The following AGO2 variants were observed in gnomAD, a reference collection of about 807,000 sequenced individuals.
The protein encoded by AGO2 is argonaute RISC catalytic component 2.
A neutral mutation model predicts 102.3 loss-of-function variants in AGO2; 5 were observed. The ratio of observed to expected loss-of-function variants is 0.05; its 90% CI spans 0.03 to 0.10. The LOEUF is 0.10. Among genes scored for constraint, AGO2 ranks in the 10% least tolerant of loss-of-function variants. AGO2 has a pLI of 1.00. For missense variants in AGO2, 541 were observed against 1,183.7 expected (o/e 0.46, Z 7.97); for synonymous variants, 449 against 473.1 (o/e 0.95, Z 0.66).
chr8:140,556,949 C>CCCA, intron 8 of AGO2, 140 bp downstream of exon 8: 2 of 1,270,090 alleles, frequency 1.6e-6, no homozygotes, highest in Middle Eastern at 2.8e-4. Context: ...AGCCCATTAA[C>CCCA]CCACCCGCAT....
Position 140,549,244 on chromosome 8 carries a change from C to G in AGO2, c.1458G>C (p.Gln486His), listed in dbSNP as rs1303942163. Reference sequence around the variant, plus strand: ...CGTATTTGCAGAAGCACGGCTGGCCCTGGATGGGCATGCCGGCGTCTCTCG... The same window carrying G: ...CGTATTTGCAGAAGCACGGCTGGCCGTGGATGGGCATGCCGGCGTCTCTCG... ...KISRDAGMPIQGQPCFCKYAQ... is the reference protein window; with the variant it reads ...KISRDAGMPIHGQPCFCKYAQ... The change falls in exon 12 of 19, where the codon CAG becomes CAC. Residue 486 changes from glutamine (Q) to histidine (H), a missense_variant. By Grantham distance (24) the Gln-to-His change is conservative (BLOSUM62 0). Transcript: ENST00000220592. The G allele has an allele frequency of 6.2e-7, 1 of 1,613,382 alleles. No homozygotes were observed. The highest frequency in any genetic ancestry group is 8.5e-7 in the Non-Finnish European group (1 of 1,179,660).
chr8:140,543,749 A>C (rs2072842985), intron 14 of AGO2, among the ~76,000 whole-genome samples: 2 of 152,276 alleles, frequency 1.3e-5, no homozygotes, highest in Non-Finnish European at 2.9e-5. Context: ...CCATGAGGTC[A>C]ACATTTGTTT....
upstream of AGO2, among the ~76,000 whole-genome samples, chr8:140,639,151 A>C (rs1363995172): frequency 1.3e-5 from 2 of 152,230 alleles, no homozygotes; most frequent in African/African-American, 4.8e-5. Flanking sequence ...TACAAGTGTG[A>C]GACACTATGC....
chr8:140,587,419 G>A (rs532601078), intron 1 of AGO2, among the ~76,000 whole-genome samples: 3 of 152,214 alleles, frequency 2.0e-5, no homozygotes, highest in Non-Finnish European at 4.4e-5. Flanking sequence ...CCACCTTCCC[G>A]TACCTTCAGG....
At chr8:140,627,682 C>A (rs1366499721) in intron 1 of AGO2, among the ~76,000 whole-genome samples, 3 of 152,124 alleles carry the variant, frequency 2.0e-5, no homozygotes, top group Non-Finnish European at 4.4e-5. Flanking sequence ...CAGGTATTGG[C>A]CGATTTGCAT....
chr8:140,533,340 G>C (rs566662305), intron 17 of AGO2, among the ~76,000 whole-genome samples: 2 of 144,000 alleles, frequency 1.4e-5, no homozygotes, highest in East Asian at 2.1e-4. Context: ...AGTGAGCCGA[G>C]ATTGTGCCAC....
At chr8:140,635,419 G>A (rs1024649985) in intron 1 of AGO2, 66 bp downstream of exon 1, 1 of 970,770 alleles carries the variant, frequency 1.0e-6, no homozygotes, top group Non-Finnish European at 1.2e-6. Flanking sequence ...CGCCCGCGCC[G>A]GGCCCGCCAA....
Position 140,528,047 on chromosome 8 carries a change from T to C in AGO2, c.*3997A>G, listed in dbSNP as rs2072533986. The C allele has an allele frequency of 6.6e-6, 1 of 152,258 alleles. No homozygotes were observed. The highest frequency in any genetic ancestry group is 1.5e-5 in the Non-Finnish European group (1 of 68,058). 9.4% of individuals were successfully genotyped at this position (152,258 alleles called of 1,614,324 possible). A position where few individuals can be genotyped will look rare whatever the true frequency, so the allele number is the denominator to read the frequency against. On this transcript the variant is annotated 3_prime_UTR_variant, in exon 19 of 19. Coordinates refer to ENST00000220592, the MANE Select transcript of AGO2 (RefSeq NM_012154.5). The surrounding 1 kb of genome is among the most constrained non-coding windows in gnomAD (Gnocchi z 4.5). ...GTGGCCGGTCTATCCTAGCGTATTG[T>C]ATCAAATATATAATTTGACTGAAAA...
chr8:140,594,037 G>C (rs997848830), intron 1 of AGO2, among the ~76,000 whole-genome samples: 1 of 152,142 alleles, frequency 6.6e-6, no homozygotes, highest in African/African-American at 2.4e-5. Flanking sequence ...CTGCACTAAG[G>C]GTTTCCTAAA....
At chr8:140,559,748 G>T (rs907493509) in intron 5 of AGO2, among the ~76,000 whole-genome samples, 8 of 152,242 alleles carry the variant, frequency 5.3e-5, no homozygotes, top group African/African-American at 1.7e-4. Flanking sequence ...CAGGGTGACA[G>T]AAAGGAGCTG....
intron 1 of AGO2, among the ~76,000 whole-genome samples, chr8:140,604,612 G>C (rs575577785): frequency 1.4e-4 from 22 of 152,270 alleles, no homozygotes; most frequent in African/African-American, 5.1e-4. Context: ...GTATCATGAG[G>C]TCAGGAGATA....
chr8:140,634,610 C>A (rs1280744542), intron 1 of AGO2, among the ~76,000 whole-genome samples: 1 of 152,254 alleles, frequency 6.6e-6, no homozygotes, highest in Non-Finnish European at 1.5e-5. Flanking sequence ...AGAAAAACAA[C>A]GCGTTACCGC....
chr8:140,584,115 A>G (rs1295468458), intron 2 of AGO2, among the ~76,000 whole-genome samples: 1 of 150,262 alleles, frequency 6.7e-6, no homozygotes, highest in Non-Finnish European at 1.5e-5. Context: ...CGGATCAATA[A>G]CAAAAAGACA....
chr8:140,609,114 C>A (rs919583804), intron 1 of AGO2, among the ~76,000 whole-genome samples: 11 of 152,258 alleles, frequency 7.2e-5, no homozygotes, highest in African/African-American at 2.4e-4. Flanking sequence ...GGCCTCCCAG[C>A]CCTTCCCTGG....
intron 17 of AGO2, among the ~76,000 whole-genome samples, chr8:140,533,402 A>AC (rs1326330228): frequency 6.6e-6 from 1 of 151,446 alleles, no homozygotes; most frequent in Non-Finnish European, 1.5e-5. Flanking sequence ...AAAAAAAAAA[A>AC]AAAAAGATAT....
At chr8:140,632,108 T>A (rs187850492) in intron 1 of AGO2, among the ~76,000 whole-genome samples, 5 of 152,384 alleles carry the variant, frequency 3.3e-5, no homozygotes, top group Non-Finnish European at 2.9e-5. Context: ...TAAGCCCAAC[T>A]GGCATTGTGG....
At position 140,563,111 on chromosome 8, in the gene AGO2, G is replaced by A. The variant is rs561177868; in HGVS notation, c.337-477C>T. 1.4e-3 allele frequency among the ~76,000 whole-genome samples: 207 copies of A among 152,326 alleles called. 1 individual carries two copies. Among genetic ancestry groups the A allele is most frequent in the South Asian group, 4.6e-3 (22 of 4,830 alleles). ...ACACACACGAGCCCACTCAGGTGACGCGTGAAGCAACTTTGCTATTTGCTA... is the reference window on the plus strand; with the variant it reads ...ACACACACGAGCCCACTCAGGTGACACGTGAAGCAACTTTGCTATTTGCTA... On this transcript the variant is annotated intron_variant, in intron 3 of 18. Transcript: ENST00000220592.
intron 1 of AGO2, among the ~76,000 whole-genome samples, chr8:140,626,317 G>A (rs2074275954): frequency 6.6e-6 from 1 of 152,350 alleles, no homozygotes; most frequent in East Asian, 1.9e-4. Context: ...ATTTATCAGA[G>A]ATAAGCCTTT....
At position 140,616,405 on chromosome 8, in the gene AGO2, G is replaced by A. The variant is rs371777131; in HGVS notation, c.22+19080C>T. Among the ~76,000 whole-genome samples, 71 of 152,250 alleles carry A rather than the reference G, an allele frequency of 4.7e-4. 1 individual carries two copies. Among genetic ancestry groups the A allele is most frequent in the African/African-American group, 1.4e-3 (59 of 41,526 alleles). ...CACTTCACTCCCACAGTGTAATCCC[G>A]TTACTAATTATGACAACGACAACAA... On this transcript the variant is annotated intron_variant, in intron 1 of 18. Coordinates refer to ENST00000220592, the MANE Select transcript of AGO2 (RefSeq NM_012154.5).
Sources: allele counts gnomAD v4.1 joint callset (sites outside exome capture counted in the v4.1 genomes callset), GRCh38; gene constraint gnomAD v4.1.1; non-coding constraint Gnocchi (gnomAD v3.1); transcripts MANE v1.5; gene names NCBI Gene and HGNC (gene_info 2026-07-23, HGNC 2026-07-21).